IGF2: variants seen among roughly 807,000 people sequenced by gnomAD.
The protein encoded by IGF2 is insulin-like growth factor 2.
A neutral mutation model predicts 12.0 loss-of-function variants in IGF2; 2 were observed. The observed-to-expected ratio is 0.17, with a 90% CI of 0.07 to 0.52. IGF2 has a LOEUF of 0.52. Among genes scored for constraint, IGF2 ranks in the 20% least tolerant of loss-of-function variants. IGF2 has a pLI of 0.95. For synonymous variants in IGF2, 105 were observed against 110.1 expected, an observed-to-expected ratio of 0.95 and a Z score of 0.29; for missense variants, 211 against 268.0, an observed-to-expected ratio of 0.79 and a Z score of 1.48.
rs1230176657 is a variant in IGF2 at position 2,135,445 on chromosome 11, G to A, written c.79C>T (p.Arg27Cys). 13 of 1,613,676 alleles carry A rather than the reference G, an allele frequency of 8.1e-6. No individual in the cohort carries two copies. Among genetic ancestry groups the A allele is most frequent in the South Asian group, 1.1e-5 (1 of 91,084 alleles). Residue 27 changes from arginine (R) to cysteine (C), a missense_variant, in exon 2 of 4, where the codon CGC becomes TGC. Physicochemically the swap from Arg to Cys is radical, Grantham distance 180. Around this residue, in one of 3 missense-constraint regions of IGF2, gnomAD observed 40 missense variants for 35.7 expected, o/e 1.12. Transcript: ENST00000416167. The stretch of plus-strand genomic sequence containing the variant: ...CCGCCGCACAGGGTCTCACTGGGGC[G>A]GTAAGCAGCAATGCAGCACGAGGCG... ...AFASCCIAAY[R>C]PSETLCGGEL...
At chr11:2,137,213 G>A in intron 1 of IGF2, 1 of 994,226 alleles carries the variant, frequency 1.0e-6, no homozygotes. Flanking sequence ...AGGCTCGCTG[G>A]GGCAGGAGGA....
In IGF2 at chr11:2,138,395, G is replaced by A. The variant is rs1246616228; in HGVS notation, c.-173C>T. 1.5e-5 allele frequency: 8 copies of A among 517,120 alleles called. No individual in the cohort carries two copies. The Admixed American group carries it at 2.6e-4, about 17-fold the overall frequency. The allele number at this position is 517,120 out of a possible 1,614,324, so 32.0% of individuals were successfully genotyped here. A position where few individuals can be genotyped will look rare whatever the true frequency, so the allele number is the denominator to read the frequency against. On this transcript the variant is annotated 5_prime_UTR_variant, in exon 1 of 4. Coordinates refer to ENST00000416167, the MANE Select transcript of IGF2 (RefSeq NM_000612.6). ...GGGGGGATGGCTTTTTTTTGGGGGG[G>A]GGGGGAGAATTCGTCTGATTGTCCA...
Position 2,131,593 on chromosome 11 carries a change from CTGTGCATGCGTGTGTGCTG to C in IGF2, c.*1375_*1393del, listed in dbSNP as rs1858560383. 5.5e-6 allele frequency: 1 copy of C among 183,338 alleles called. No individual in the cohort carries two copies. Among genetic ancestry groups the C allele is most frequent in the East Asian group, 7.7e-5 (1 of 13,054 alleles). 11.4% of individuals were successfully genotyped at this position (183,338 alleles called of 1,614,324 possible). A position where few individuals can be genotyped will look rare whatever the true frequency, so the allele number is the denominator to read the frequency against. Reference sequence around the variant, plus strand: ...TGTGTGTGTGCTGTGTTCATGTGTGCTGTGCATGCGTGTGTGCTGTGTGTGCATGTGTGTGCTGTGTGCT... The same window carrying C: ...TGTGTGTGTGCTGTGTTCATGTGTGCTGTGTGCATGTGTGTGCTGTGTGCT... On this transcript the variant is annotated 3_prime_UTR_variant, in exon 4 of 4. Transcript: ENST00000416167.
At chr11:2,134,008 C>T in intron 2 of IGF2, 1 of 435,792 alleles carries the variant, frequency 2.3e-6, no homozygotes, top group Non-Finnish European at 4.4e-6. Context: ...GGGATGTGAG[C>T]CCAGTTCAGG....
chr11:2,133,456 G>T lies in IGF2; in HGVS notation c.306+61C>A. On this transcript the variant is annotated intron_variant, in intron 3 of 3. Transcript: ENST00000416167. The surrounding 1 kb of genome is among the most constrained non-coding windows in gnomAD (Gnocchi z 8.9). ...GGTCCCAGAGGCCACAGGAAACGCT[G>T]GGCGCCCGAAGCCCTATTTCTCTGT... 6.6e-7 allele frequency: 1 copy of T among 1,521,378 alleles called. No individual in the cohort carries two copies. Among genetic ancestry groups the T allele is most frequent in the Non-Finnish European group, 8.8e-7 (1 of 1,132,268 alleles). 94.2% of individuals were successfully genotyped at this position (1,521,378 alleles called of 1,614,324 possible).
Position 2,133,772 on chromosome 11 carries a change from A to G in IGF2, c.158-107T>C. On this transcript the variant is annotated intron_variant, in intron 2 of 3. Transcript: ENST00000416167. The surrounding 1 kb of genome is among the most constrained non-coding windows in gnomAD (Gnocchi z 8.9). ...CCCCTGCCCTCAGGCCAGGCCCTGG[A>G]AGGACGCAGCCACCCTGCGGGTCAG... The G allele has an allele frequency of 7.3e-7, 1 of 1,376,168 alleles. No homozygotes were observed. Among genetic ancestry groups the G allele is most frequent in the Non-Finnish European group, 9.9e-7 (1 of 1,005,404 alleles). The allele number at this position is 1,376,168 out of a possible 1,614,324, so 85.2% of individuals were successfully genotyped here.
In IGF2 at chr11:2,132,024, G is replaced by A; in HGVS notation, c.*963C>T. The A allele has an allele frequency of 2.3e-5, 1 of 43,482 alleles. No individual in the cohort carries two copies. The highest frequency in any genetic ancestry group is 4.2e-5 in the Non-Finnish European group (1 of 23,588). The allele number at this position is 43,482 out of a possible 1,614,324, so 2.7% of individuals were successfully genotyped here. On this transcript the variant is annotated 3_prime_UTR_variant, in exon 4 of 4. Transcript: ENST00000416167. Reference sequence around the variant, plus strand: ...GTGTGTGCTGTGTGCTCATCTGTGTGCTGTGTGTGCTGTGCGTTTGTGTGT... The same window carrying A: ...GTGTGTGCTGTGTGCTCATCTGTGTACTGTGTGTGCTGTGCGTTTGTGTGT...
rs1858672974 is a variant in IGF2, at chr11:2,132,501, T to C, written c.*486A>G. On this transcript the variant is annotated 3_prime_UTR_variant, in exon 4 of 4. Transcript: ENST00000416167. ...AAAGAGGGGGGTGGGGAGTGCCAAA[T>C]TCCTTTATTTTGCCAATTGTTTCTC... 1.5e-5 allele frequency: 3 copies of C among 200,808 alleles called. No homozygotes were observed. Among genetic ancestry groups the C allele is most frequent in the Middle Eastern group, 1.7e-3 (1 of 594 alleles). 12.4% of individuals were successfully genotyped at this position (200,808 alleles called of 1,614,324 possible). A position where few individuals can be genotyped will look rare whatever the true frequency, so the allele number is the denominator to read the frequency against.
In IGF2 at chr11:2,133,320, A is replaced by G. The variant is rs1858751863; in HGVS notation, c.307-97T>C. ...TGACAGGCCACCCCTGTGACTGATC[A>G]GTGACTTGAGCTAATGTCCACGGGC... On this transcript the variant is annotated intron_variant, in intron 3 of 3. Transcript: ENST00000416167. This position sits in a 1 kb window ranked among gnomAD's most constrained non-coding sequence, Gnocchi z 8.9. 3 of 1,040,896 alleles carry G rather than the reference A, an allele frequency of 2.9e-6. No individual in the cohort carries two copies. The Middle Eastern group carries it at 6.8e-4, about 237-fold the overall frequency. The allele number at this position is 1,040,896 out of a possible 1,614,324, so 64.5% of individuals were successfully genotyped here. A position where few individuals can be genotyped will look rare whatever the true frequency, so the allele number is the denominator to read the frequency against.
the IGF2 span, chr11:2,148,866 A>G: frequency 1.9e-6 from 1 of 528,468 alleles, no homozygotes. This position sits in a 1 kb window ranked among gnomAD's most constrained non-coding sequence, Gnocchi z 4.3. Flanking sequence ...GTCAAGGAAA[A>G]CCTATTTTCC....
Position 2,139,053 on chromosome 11 carries a change from A to C in IGF2, c.-831T>G. ...GGCTGCGCGCCGGGGGGAGGGCTGGAGGGGGAGCGCGGGGGGGGGTGACAA... is the reference window on the plus strand; with the variant it reads ...GGCTGCGCGCCGGGGGGAGGGCTGGCGGGGGAGCGCGGGGGGGGGTGACAA... On this transcript the variant is annotated 5_prime_UTR_variant, in exon 1 of 4. Transcript: ENST00000416167. The C allele has an allele frequency of 1.9e-4, 10 of 53,908 alleles. No individual in the cohort carries two copies. The highest frequency in any genetic ancestry group is 2.2e-4 in the Non-Finnish European group (10 of 46,430). The allele number at this position is 53,908 out of a possible 1,614,324, so 3.3% of individuals were successfully genotyped here. A position where few individuals can be genotyped will look rare whatever the true frequency, so the allele number is the denominator to read the frequency against.
rs1859238466 is a variant in IGF2 at position 2,138,244 on chromosome 11, G to A, written c.-22C>T. 2 of 985,140 alleles carry A rather than the reference G, an allele frequency of 2.0e-6. No homozygotes were observed. Among genetic ancestry groups the A allele is most frequent in the African/African-American group, 3.5e-5 (2 of 57,196 alleles). The allele number at this position is 985,140 out of a possible 1,614,324, so 61.0% of individuals were successfully genotyped here. A position where few individuals can be genotyped will look rare whatever the true frequency, so the allele number is the denominator to read the frequency against. Reference sequence around the variant, plus strand: ...CGCCGCTTACCTGGAAGCCGGCGACGCTGCCGCCCACCTCCCTGCTGCGTG... The same window carrying A: ...CGCCGCTTACCTGGAAGCCGGCGACACTGCCGCCCACCTCCCTGCTGCGTG... On this transcript the variant is annotated 5_prime_UTR_variant, in exon 1 of 4. Coordinates refer to ENST00000416167, the MANE Select transcript of IGF2 (RefSeq NM_000612.6).
chr11:2,135,483 G>A lies in IGF2; in HGVS notation c.41C>T (p.Thr14Ile). 1 of 1,613,724 alleles carries A rather than the reference G, an allele frequency of 6.2e-7. No individual in the cohort carries two copies. The part of the protein sequence containing the change: ...PMGKSMLVLL[T>I]FLAFASCCIA... ...GCAGCACGAGGCGAAGGCCAAGAAGGTGAGAAGCACCAGCATCGACTTCCC... is the reference window on the plus strand; with the variant it reads ...GCAGCACGAGGCGAAGGCCAAGAAGATGAGAAGCACCAGCATCGACTTCCC... The change falls in exon 2 of 4, where the codon ACC becomes ATC. Residue 14 changes from threonine to isoleucine, a missense_variant. Coordinates refer to ENST00000416167, the MANE Select transcript of IGF2 (RefSeq NM_000612.6).
chr11:2,146,358 C>T, the IGF2 span: 5 of 535,380 alleles, frequency 9.3e-6, no homozygotes, highest in East Asian at 5.4e-5. Context: ...CCCTGCAGGG[C>T]GCCGCAGACG....
At chr11:2,140,669 T>G, upstream of IGF2, 1 of 478,566 alleles carries the variant, frequency 2.1e-6, no homozygotes, top group South Asian at 1.5e-5. Context: ...TGGCGCGGAT[T>G]TCGGGGCGCC....
At chr11:2,148,832 C>T in the IGF2 span, 1 of 451,350 alleles carries the variant, frequency 2.2e-6, no homozygotes, top group South Asian at 2.8e-5. The surrounding 1 kb of genome is among the most constrained non-coding windows in gnomAD (Gnocchi z 4.3). Flanking sequence ...CTCCCCTACC[C>T]CTCCCATTTT....
upstream of IGF2, chr11:2,140,379 A>G: frequency 7.5e-7 from 1 of 1,335,192 alleles, no homozygotes; most frequent in Non-Finnish European, 1.0e-6. Flanking sequence ...GCACCCCGCC[A>G]GCCCCCCGCC....
chr11:2,147,864 C>A, the IGF2 span: 10 of 1,179,536 alleles, frequency 8.5e-6, no homozygotes, highest in African/African-American at 1.4e-4. This position sits in a 1 kb window ranked among gnomAD's most constrained non-coding sequence, Gnocchi z 7.2. Flanking sequence ...CAAAGCCCCC[C>A]TCCCCATACA....
chr11:2,140,575 C>T (rs1859503709), upstream of IGF2: 1 of 487,254 alleles, frequency 2.1e-6, no homozygotes, highest in South Asian at 2.0e-5. Context: ...CCGCGTCCCT[C>T]GCCCCAGCCC....
Sources: gnomAD v4.1 joint callset for allele counts on GRCh38, gnomAD v4.1.1 for gene constraint, gnomAD v4.1.1 regional missense constraint, Gnocchi (gnomAD v3.1) non-coding constraint, MANE v1.5 for transcripts, NCBI Gene and HGNC (gene_info 2026-07-23, HGNC 2026-07-21) for gene names.